Variants in SNTG1 observed in about 807,000 individuals in gnomAD.
SNTG1 encodes the protein gamma-1-syntrophin.
SNTG1 carries 39 observed loss-of-function variants against 74.7 expected under a neutral mutation model. The observed-to-expected ratio is 0.52, with a 90% confidence interval of 0.40 to 0.68. SNTG1 has a LOEUF of 0.68. Ranked by LOEUF, SNTG1 falls within the 30% of genes least tolerant of loss-of-function variation. SNTG1 has a pLI of 0.00. For synonymous variants in SNTG1, 254 were observed against 217.1 expected, an observed-to-expected ratio of 1.17 and a Z score of -1.49; for missense variants, 685 against 609.5, an observed-to-expected ratio of 1.12 and a Z score of -1.30.
chr8:50,395,432 T>A (rs919788954), intron 3 of SNTG1, among the ~76,000 whole-genome samples: 4 of 151,982 alleles, frequency 2.6e-5, no homozygotes, highest in African/African-American at 9.7e-5. Flanking sequence ...TAGCACTTAT[T>A]GGTTCATATA....
intron 1 of SNTG1, among the ~76,000 whole-genome samples, chr8:50,107,362 A>G (rs143917298): frequency 6.6e-6 from 1 of 152,314 alleles, no homozygotes; most frequent in East Asian, 1.9e-4. Context: ...AAAAGAAAAT[A>G]GATTGAAAGA....
At chr8:50,047,584 TG>T (rs1819204989) in intron 1 of SNTG1, among the ~76,000 whole-genome samples, 1 of 152,104 alleles carries the variant, frequency 6.6e-6, no homozygotes, top group African/African-American at 2.4e-5. Flanking sequence ...AACAAATTGA[TG>T]GGGGAAATAG....
intron 1 of SNTG1, among the ~76,000 whole-genome samples, chr8:50,091,275 CT>C (rs1021101884): frequency 2.0e-5 from 3 of 150,950 alleles, no homozygotes; most frequent in Non-Finnish European, 4.4e-5. Flanking sequence ...ATTTCTCTTC[CT>C]TTTTTTTTCT....
chr8:49,947,910 C>G (rs1231905482), intron 1 of SNTG1, among the ~76,000 whole-genome samples: 24 of 152,122 alleles, frequency 1.6e-4, no homozygotes, highest in Non-Finnish European at 3.4e-4. Context: ...GTTGGCAGAT[C>G]ACATGAGGTA....
chr8:50,574,818 A>G (rs1028322252), intron 12 of SNTG1, among the ~76,000 whole-genome samples: 1 of 152,188 alleles, frequency 6.6e-6, no homozygotes, highest in African/African-American at 2.4e-5. Flanking sequence ...CAATGAAAAC[A>G]TTGCTGACTA....
intron 2 of SNTG1, among the ~76,000 whole-genome samples, chr8:50,223,606 G>C (rs1302840312): frequency 6.6e-6 from 1 of 151,886 alleles, no homozygotes; most frequent in African/African-American, 2.4e-5. Flanking sequence ...AAATGCAAAA[G>C]ATAATAATTT....
intron 1 of SNTG1, among the ~76,000 whole-genome samples, chr8:50,102,672 C>A (rs1234018323): frequency 1.3e-5 from 2 of 150,204 alleles, no homozygotes; most frequent in Non-Finnish European, 2.9e-5. Flanking sequence ...AGGTTTTTTT[C>A]TAGGGTTTTT....
chr8:50,355,576 C>T (rs1014983900), intron 2 of SNTG1, among the ~76,000 whole-genome samples: 2 of 152,090 alleles, frequency 1.3e-5, no homozygotes, highest in Admixed American at 6.5e-5. Context: ...TATTTTTGTT[C>T]TGCCTTAACA....
At chr8:50,219,267 C>T (rs191395126) in intron 2 of SNTG1, among the ~76,000 whole-genome samples, 2 of 152,164 alleles carry the variant, frequency 1.3e-5, no homozygotes, top group Non-Finnish European at 2.9e-5. Flanking sequence ...CCACTGGTGA[C>T]CCTTCCTAGT....
intron 2 of SNTG1, among the ~76,000 whole-genome samples, chr8:50,361,209 G>A (rs117934279): frequency 0.049 from 7,458 of 152,158 alleles, 248 homozygotes; most frequent in Non-Finnish European, 0.071. Flanking sequence ...CCTGCACAGG[G>A]TCAGAATCAT....
chr8:50,328,683 C>T (rs1433946518), intron 2 of SNTG1, among the ~76,000 whole-genome samples: 1 of 152,146 alleles, frequency 6.6e-6, no homozygotes, highest in Non-Finnish European at 1.5e-5. Context: ...AGGTCCTTCC[C>T]TAGATGTGTG....
intron 18 of SNTG1, among the ~76,000 whole-genome samples, chr8:50,777,849 C>T (rs192263557): frequency 2.1e-3 from 321 of 152,168 alleles, no homozygotes; most frequent in Middle Eastern, 0.017. Flanking sequence ...CTATCCCTCC[C>T]CTGTCCCCCC....
intron 1 of SNTG1, among the ~76,000 whole-genome samples, chr8:50,003,703 C>T (rs1814956636): frequency 6.6e-6 from 1 of 152,082 alleles, no homozygotes; most frequent in South Asian, 2.1e-4. Context: ...TTTTTGTTCT[C>T]TCAAGAGGAT....
At chr8:50,243,182 T>TAA (rs2086242296) in intron 2 of SNTG1, among the ~76,000 whole-genome samples, 2 of 131,926 alleles carry the variant, frequency 1.5e-5, no homozygotes, top group South Asian at 5.0e-4. Flanking sequence ...AATTATCTTA[T>TAA]ATATTTGAAA....
At chr8:50,457,601 A>G (rs2093518051) in intron 8 of SNTG1, among the ~76,000 whole-genome samples, 1 of 152,224 alleles carries the variant, frequency 6.6e-6, no homozygotes. Context: ...GAGGAGGAGA[A>G]GAGAAGACAG....
At chr8:50,004,735 C>G (rs1030145495) in intron 1 of SNTG1, among the ~76,000 whole-genome samples, 2 of 152,160 alleles carry the variant, frequency 1.3e-5, no homozygotes, top group Non-Finnish European at 2.9e-5. Flanking sequence ...AGTAAACTTC[C>G]TTTGTCTCCT....
intron 1 of SNTG1, among the ~76,000 whole-genome samples, chr8:50,112,236 G>C (rs1245413771): frequency 6.6e-6 from 1 of 151,992 alleles, no homozygotes; most frequent in Non-Finnish European, 1.5e-5. Context: ...TATAATTTTA[G>C]TTAATTAAAT....
At chr8:49,921,545 A>G (rs1806549975) in intron 1 of SNTG1, among the ~76,000 whole-genome samples, 2 of 152,136 alleles carry the variant, frequency 1.3e-5, no homozygotes, top group African/African-American at 4.8e-5. Flanking sequence ...AAAGCACTGC[A>G]GAATTATTGC....
chr8:50,103,253 T>A (rs1434553446), intron 1 of SNTG1, among the ~76,000 whole-genome samples: 1 of 152,232 alleles, frequency 6.6e-6, no homozygotes, highest in Admixed American at 6.5e-5. Context: ...TGGTTTGTAG[T>A]TCTTCTTGAA....
Sources: allele counts gnomAD v4.1 joint callset (sites outside exome capture counted in the v4.1 genomes callset), GRCh38; gene constraint gnomAD v4.1.1; transcripts MANE v1.5; gene names NCBI Gene and HGNC (gene_info 2026-07-23, HGNC 2026-07-21).